Variants in ERI2 observed in about 807,000 individuals in gnomAD.
ERI2 encodes ERI1 exoribonuclease family member 2, also known as ERI1 exoribonuclease 2.
Under a neutral mutation model 46.8 loss-of-function variants are expected in ERI2, and 35 were observed. The ratio of observed to expected loss-of-function variants is 0.75; its 90% CI spans 0.57 to 0.99. The LOEUF (loss-of-function observed/expected upper bound fraction) is 0.99, where lower values mean the gene tolerates loss of function less well. Ranked by LOEUF, ERI2 falls within the 50% of genes least tolerant of loss-of-function variation. The pLI is 0.00. For synonymous variants in ERI2, 224 were observed against 271.0 expected (o/e 0.83, Z 1.70); for missense variants, 695 against 796.2 (o/e 0.87, Z 1.53).
chr16:20,791,056 C>T (rs569285428), intron 8 of ERI2: 7 of 939,928 alleles, frequency 7.4e-6, no homozygotes, highest in Admixed American at 2.7e-5. Context: ...ACAGGGGATG[C>T]GGGGGTGGTG....
downstream of ERI2, chr16:20,792,603 G>A (rs1383785567): frequency 2.0e-6 from 2 of 985,450 alleles, no homozygotes; most frequent in Non-Finnish European, 2.4e-6. Context: ...GGCAAAGATG[G>A]TGTGAATGCC....
chr16:20,780,986 T>A, intron 10 of ERI2: 2 of 1,614,174 alleles, frequency 1.2e-6, no homozygotes, highest in Non-Finnish European at 1.7e-6. Context: ...TCTGGCTAGA[T>A]TTGACACCCT....
chr16:20,803,436 T>C lies in ERI2; in HGVS notation c.172A>G (p.Ile58Val), dbSNP rs754935221. The C allele has an allele frequency of 1.4e-5, 23 of 1,613,356 alleles. No individual in the cohort carries two copies. The highest frequency in any genetic ancestry group is 1.7e-5 in the Non-Finnish European group (20 of 1,179,540). Reference sequence around the variant, plus strand: ...GCCATTCGTAGCCCAGACTTACTTATTTCCTGGCTATGGTGGTGCTTCCCA... The same window carrying C: ...GCCATTCGTAGCCCAGACTTACTTACTTCCTGGCTATGGTGGTGCTTCCCA... ...NDGKHHHSQE[I>V]IEFPAVLLNT... Residue 58 changes from isoleucine (I) to valine (V), a missense_variant, in exon 3 of 9, where the codon ATA (isoleucine) becomes GTA (valine). By Grantham distance (29) the Ile-to-Val change is conservative. Transcript: ENST00000357967.
chr16:20,796,475 A>G lies in ERI2; in HGVS notation c.*1249T>C, dbSNP rs1350514722. 1.9e-6 allele frequency: 3 copies of G among 1,612,906 alleles called. No individual in the cohort carries two copies. The highest frequency in any genetic ancestry group is 2.5e-6 in the Non-Finnish European group (3 of 1,179,758). Reference sequence around the variant, plus strand: ...TGTTAAAAAAACTACAGCACCTTACAAATATCCCAGAAAGGTAGGCATCCT... The same window carrying G: ...TGTTAAAAAAACTACAGCACCTTACGAATATCCCAGAAAGGTAGGCATCCT... On this transcript the variant is annotated 3_prime_UTR_variant, in exon 9 of 9. Transcript: ENST00000357967.
downstream of ERI2, chr16:20,792,356 C>T: frequency 6.2e-7 from 1 of 1,612,680 alleles, no homozygotes; most frequent in Non-Finnish European, 8.5e-7. Context: ...TGATTCATGT[C>T]AACTTTATAA....
In ERI2 at chr16:20,796,541, A is replaced by C; in HGVS notation, c.*1183T>G. The C allele has an allele frequency of 6.3e-7, 1 of 1,595,850 alleles. No individual in the cohort carries two copies. Among genetic ancestry groups the C allele is most frequent in the Non-Finnish European group, 8.5e-7 (1 of 1,175,988 alleles). Reference sequence around the variant, plus strand: ...TTGCTCAGTGTTGTGGACAATTTCAAGTGTTTATTTTTACATTTTAATGAA... The same window carrying C: ...TTGCTCAGTGTTGTGGACAATTTCACGTGTTTATTTTTACATTTTAATGAA... On this transcript the variant is annotated 3_prime_UTR_variant, in exon 9 of 9. Coordinates refer to ENST00000357967, the MANE Select transcript of ERI2 (RefSeq NM_001142725.2).
At chr16:20,792,304 T>C (rs1227707004), downstream of ERI2, 1 of 1,614,056 alleles carries the variant, frequency 6.2e-7, no homozygotes, top group Non-Finnish European at 8.5e-7. Context: ...GAGTCAGCTG[T>C]TGTCAGCAGC....
chr16:20,791,561 C>T (rs2080597489), downstream of ERI2, among the ~76,000 whole-genome samples: 1 of 152,164 alleles, frequency 6.6e-6, no homozygotes, highest in African/African-American at 2.4e-5. Flanking sequence ...TCTTTATTTT[C>T]ACAATCTATC....
chr16:20,791,929 A>G, downstream of ERI2: 3 of 1,238,676 alleles, frequency 2.4e-6, no homozygotes, highest in South Asian at 1.6e-5. Flanking sequence ...CTGTCTCGGA[A>G]AAAAAAAAAA....
chr16:20,785,144 A>G, intron 10 of ERI2: 1 of 1,609,284 alleles, frequency 6.2e-7, no homozygotes, highest in Non-Finnish European at 8.5e-7. Flanking sequence ...GCTGGATTCC[A>G]TTTAGTCAGA....
At chr16:20,799,812 A>C in intron 7 of ERI2, 145 bp downstream of exon 7, 1 of 567,384 alleles carries the variant, frequency 1.8e-6, no homozygotes, top group East Asian at 3.0e-5. Context: ...TGAAAGTCTT[A>C]GAAACAATGT....
chr16:20,783,103 T>G (rs556078798), intron 10 of ERI2: 92 of 152,326 alleles, frequency 6.0e-4, no homozygotes, highest in African/African-American at 2.1e-3. Flanking sequence ...GGCTTAGTCT[T>G]TCTTGTGACC....
At chr16:20,782,804 C>A (rs1194870845) in intron 10 of ERI2, among the ~76,000 whole-genome samples, 1 of 152,206 alleles carries the variant, frequency 6.6e-6, no homozygotes, top group African/African-American at 2.4e-5. Flanking sequence ...CACTTACTTA[C>A]ATTTCCCAGC....
intron 1 of ERI2, among the ~76,000 whole-genome samples, chr16:20,804,571 T>TGG (rs1304762556): frequency 2.6e-5 from 4 of 151,594 alleles, no homozygotes; most frequent in African/African-American, 4.9e-5. Flanking sequence ...GAGGCTAAGG[T>TGG]GGGAGGATTG....
chr16:20,798,742 A>G lies in ERI2; in HGVS notation c.1058T>C (p.Met353Thr), dbSNP rs1455286466. The G allele has an allele frequency of 8.4e-6, 13 of 1,551,498 alleles. No homozygotes were observed. In the East Asian group the frequency reaches 1.2e-4, roughly 15 times the overall value. The change falls in exon 9 of 9, where the codon ATG (methionine) becomes ACG (threonine). Residue 353 changes from methionine to threonine, a missense_variant. Coordinates refer to ENST00000357967, the MANE Select transcript of ERI2 (RefSeq NM_001142725.2). ...ATGTTCATTTTTTCCTTGCTTTTGC[A>G]TATAGATAGGTGAATTCAAGGTAGG... is the stretch of plus-strand genomic sequence containing the variant. ...QSPTLNSPIYMQKQGKNEHLA... is the reference protein window; with the variant it reads ...QSPTLNSPIYTQKQGKNEHLA...
downstream of ERI2, chr16:20,792,151 G>T: frequency 1.2e-6 from 2 of 1,614,068 alleles, no homozygotes; most frequent in Non-Finnish European, 8.5e-7. Context: ...TTCCATATGT[G>T]CATATGTCTG....
At chr16:20,785,963 T>C (rs2080465327) in intron 10 of ERI2, 1 of 628,594 alleles carries the variant, frequency 1.6e-6, no homozygotes. Flanking sequence ...AGCATTCATT[T>C]TGAGCCTAGT....
At position 20,796,963 on chromosome 16, in the gene ERI2, G is replaced by A. The variant is rs766624805; in HGVS notation, c.*761C>T. 2 of 1,612,168 alleles carry A rather than the reference G, an allele frequency of 1.2e-6. No individual in the cohort carries two copies. The highest frequency in any genetic ancestry group is 2.7e-5 in the African/African-American group (2 of 74,946). On this transcript the variant is annotated 3_prime_UTR_variant, in exon 9 of 9. Coordinates refer to ENST00000357967, the MANE Select transcript of ERI2 (RefSeq NM_001142725.2). ...ATGAACTGAGGAAGAAAGAATGGAA[G>A]ACAATTTAAAGTTGTTTCATTAATT...
At chr16:20,786,337 A>T (rs1209609499) in intron 10 of ERI2, 1 of 1,279,032 alleles carries the variant, frequency 7.8e-7, no homozygotes, top group Non-Finnish European at 1.0e-6. Context: ...GGTCTCCATT[A>T]TTTTGCAAAT....
Sources: allele counts gnomAD v4.1 joint callset (sites outside exome capture counted in the v4.1 genomes callset), GRCh38; gene constraint gnomAD v4.1.1; transcripts MANE v1.5; gene names NCBI Gene and HGNC (gene_info 2026-07-23, HGNC 2026-07-21).